Variants in ZNF385D observed in about 807,000 individuals in gnomAD.
The protein encoded by ZNF385D is zinc finger protein 659.
Under a neutral mutation model 35.8 loss-of-function variants are expected in ZNF385D, and 15 were observed. That is an observed-to-expected ratio of 0.42 (90% CI 0.28 to 0.64). ZNF385D has a LOEUF of 0.64. Among genes scored for constraint, ZNF385D ranks in the 30% least tolerant of loss-of-function variants. The pLI is 0.23. For synonymous variants in ZNF385D, 212 were observed against 186.8 expected (o/e 1.13, Z -1.10); for missense variants, 474 against 494.6 (o/e 0.96, Z 0.39).
At chr3:22,314,421 T>C (rs1230255602) in intron 2 of ZNF385D, among the ~76,000 whole-genome samples, 1 of 152,166 alleles carries the variant, frequency 6.6e-6, no homozygotes, top group Non-Finnish European at 1.5e-5. Context: ...TAGTCTCCAA[T>C]CCCATCCAGA....
At chr3:21,708,170 T>C (rs867369977) in intron 1 of ZNF385D, among the ~76,000 whole-genome samples, 1 of 152,176 alleles carries the variant, frequency 6.6e-6, no homozygotes, top group Non-Finnish European at 1.5e-5. Context: ...TTGGTGCTTA[T>C]AAGGAAAAAA....
At chr3:22,296,384 T>A (rs542256019) in intron 2 of ZNF385D, among the ~76,000 whole-genome samples, 1 of 152,124 alleles carries the variant, frequency 6.6e-6, no homozygotes, top group Non-Finnish European at 1.5e-5. Context: ...TGTTGGCTAG[T>A]TCCTCAGTTA....
At chr3:21,727,689 G>A (rs2068826168) in intron 1 of ZNF385D, among the ~76,000 whole-genome samples, 2 of 152,194 alleles carry the variant, frequency 1.3e-5, no homozygotes, top group African/African-American at 4.8e-5. Flanking sequence ...AGGATGTGGA[G>A]AAATAGGAAC....
At chr3:21,875,019 A>T (rs557373588) in intron 3 of ZNF385D, among the ~76,000 whole-genome samples, 1 of 151,756 alleles carries the variant, frequency 6.6e-6, no homozygotes, top group African/African-American at 2.4e-5. Flanking sequence ...TTAAAATGGG[A>T]TTATTTTCTT....
chr3:21,889,953 G>T (rs1324605133), intron 3 of ZNF385D, among the ~76,000 whole-genome samples: 2 of 151,942 alleles, frequency 1.3e-5, no homozygotes, highest in African/African-American at 4.8e-5. Context: ...GTGCCTGTGT[G>T]TGCGTGTGCC....
chr3:21,672,002 C>T (rs1448222620), intron 1 of ZNF385D, among the ~76,000 whole-genome samples: 1 of 152,094 alleles, frequency 6.6e-6, no homozygotes, highest in Non-Finnish European at 1.5e-5. Context: ...TTGTCACATT[C>T]CCTTGCATGT....
intron 2 of ZNF385D, among the ~76,000 whole-genome samples, chr3:21,604,461 A>G (rs1226936466): frequency 2.6e-5 from 4 of 152,230 alleles, no homozygotes; most frequent in Non-Finnish European, 5.9e-5. Flanking sequence ...TTAGTTTGGC[A>G]GTGCTATGCT....
At chr3:21,714,371 C>T (rs1209248077) in intron 1 of ZNF385D, among the ~76,000 whole-genome samples, 3 of 152,208 alleles carry the variant, frequency 2.0e-5, no homozygotes, top group Non-Finnish European at 2.9e-5. Flanking sequence ...CCATCCACTT[C>T]TGAGCCTCAC....
intron 2 of ZNF385D, among the ~76,000 whole-genome samples, chr3:21,641,796 A>T (rs184032696): frequency 7.1e-4 from 108 of 152,160 alleles, no homozygotes; most frequent in Middle Eastern, 3.4e-3. Context: ...AGTGTAAAAG[A>T]GTCCTTGGTG....
chr3:21,751,434 G>C (rs1278755792), upstream of ZNF385D: 1 of 991,646 alleles, frequency 1.0e-6, no homozygotes, highest in African/African-American at 1.7e-5. Context: ...ATTCACCACT[G>C]TGCAGGAGGG....
At chr3:21,570,048 A>T (rs899761213) in intron 2 of ZNF385D, among the ~76,000 whole-genome samples, 6 of 149,996 alleles carry the variant, frequency 4.0e-5, no homozygotes, top group South Asian at 4.2e-4. Context: ...CCTAAAACTT[A>T]AAGTATAATA....
chr3:22,235,095 A>G (rs762389930), intron 2 of ZNF385D, among the ~76,000 whole-genome samples: 7 of 152,010 alleles, frequency 4.6e-5, no homozygotes, highest in African/African-American at 1.4e-4. Flanking sequence ...ATAATTTCTG[A>G]TAAGTTTATT....
intron 1 of ZNF385D, among the ~76,000 whole-genome samples, chr3:21,745,684 G>C (rs934962886): frequency 6.6e-6 from 1 of 152,210 alleles, no homozygotes; most frequent in African/African-American, 2.4e-5. Flanking sequence ...CAGACAGAAA[G>C]AGAGAGGGCA....
chr3:21,954,088 C>T (rs1702181705), intron 3 of ZNF385D, among the ~76,000 whole-genome samples: 1 of 151,802 alleles, frequency 6.6e-6, no homozygotes, highest in African/African-American at 2.4e-5. Flanking sequence ...ATAAGTGCTG[C>T]CCTCCATCCC....
chr3:22,358,021 G>A (rs1024937523), intron 2 of ZNF385D, among the ~76,000 whole-genome samples: 3 of 151,880 alleles, frequency 2.0e-5, no homozygotes, highest in Non-Finnish European at 2.9e-5. Flanking sequence ...GAAAGAAAAT[G>A]TTGAATTATA....
At chr3:21,749,317 C>G (rs1038986543) in intron 1 of ZNF385D, among the ~76,000 whole-genome samples, 1 of 152,184 alleles carries the variant, frequency 6.6e-6, no homozygotes, top group African/African-American at 2.4e-5. Flanking sequence ...TCCAGTCCAG[C>G]ATGGATGGCC....
chr3:21,725,308 C>G (rs538751567), intron 1 of ZNF385D, among the ~76,000 whole-genome samples: 3 of 152,172 alleles, frequency 2.0e-5, no homozygotes, highest in African/African-American at 7.2e-5. Flanking sequence ...CAAAAGCCAG[C>G]AGAAGGCAAG....
At chr3:22,308,626 C>G (rs1024096682) in intron 2 of ZNF385D, among the ~76,000 whole-genome samples, 1 of 151,628 alleles carries the variant, frequency 6.6e-6, no homozygotes. Context: ...ACAACAGAGG[C>G]GGCATGAAAA....
At chr3:21,601,105 CTA>C (rs2064276440) in intron 2 of ZNF385D, among the ~76,000 whole-genome samples, 1 of 152,012 alleles carries the variant, frequency 6.6e-6, no homozygotes, top group African/African-American at 2.4e-5. Flanking sequence ...TTATTTTTCA[CTA>C]TGCATGTGAA....
Sources: allele counts gnomAD v4.1 joint callset (sites outside exome capture counted in the v4.1 genomes callset), GRCh38; gene constraint gnomAD v4.1.1; transcripts MANE v1.5; gene names NCBI Gene and HGNC (gene_info 2026-07-23, HGNC 2026-07-21).